The following TRDMT1 variants were observed in gnomAD, a reference collection of about 807,000 sequenced individuals.
The protein encoded by TRDMT1 is tRNA aspartic acid methyltransferase 1.
TRDMT1 carries 49 observed loss-of-function variants against 51.2 expected under a neutral mutation model. The ratio of observed to expected loss-of-function variants is 0.96; its 90% CI spans 0.76 to 1.21. TRDMT1 has a LOEUF of 1.21. Ranked by LOEUF, TRDMT1 falls within the 50% of genes most tolerant of loss-of-function variation. The pLI, the probability that TRDMT1 is intolerant of heterozygous loss-of-function variation, is 0.00. For synonymous variants in TRDMT1, 187 were observed against 164.6 expected (o/e 1.14, Z -1.04); for missense variants, 534 against 462.3 (o/e 1.16, Z -1.42).
At chr10:17,163,503 G>A (rs1433429682) in intron 3 of TRDMT1, among the ~76,000 whole-genome samples, 1 of 152,016 alleles carries the variant, frequency 6.6e-6, no homozygotes. Context: ...CTAGGAGAAG[G>A]CAAGAAATAA....
At position 17,143,053 on chromosome 10, in the gene TRDMT1, A is replaced by T; in HGVS notation, c.*5987T>A. ...AAAGCCTATCCCAGAATTATTTTTT[A>T]AATCATGTGTTCCAGACTTGAGTAA... On this transcript the variant is annotated 3_prime_UTR_variant, in exon 11 of 11. Transcript: ENST00000377799. 1 of 984,388 alleles carries T rather than the reference A, an allele frequency of 1.0e-6. No individual in the cohort carries two copies. Among genetic ancestry groups the T allele is most frequent in the Non-Finnish European group, 1.2e-6 (1 of 828,924 alleles). 61.0% of individuals were successfully genotyped at this position (984,388 alleles called of 1,614,324 possible).
chr10:17,147,722 C>T lies in TRDMT1; in HGVS notation c.*1318G>A, dbSNP rs1471464709. Reference sequence around the variant, plus strand: ...ATCCATTCATGGGTGAATGGGATGACACTTGGGCTGCTTCTACCTTTTGGC... The same window carrying T: ...ATCCATTCATGGGTGAATGGGATGATACTTGGGCTGCTTCTACCTTTTGGC... On this transcript the variant is annotated 3_prime_UTR_variant, in exon 11 of 11. Transcript: ENST00000377799. 1 of 154,018 alleles carries T rather than the reference C, an allele frequency of 6.5e-6. No individual in the cohort carries two copies. The highest frequency in any genetic ancestry group is 2.4e-5 in the African/African-American group (1 of 41,486). The allele number at this position is 154,018 out of a possible 1,614,324, so 9.5% of individuals were successfully genotyped here. A position where few individuals can be genotyped will look rare whatever the true frequency, so the allele number is the denominator to read the frequency against.
intron 1 of TRDMT1, among the ~76,000 whole-genome samples, chr10:17,183,425 G>A (rs1407848979): frequency 6.6e-6 from 1 of 151,834 alleles, no homozygotes; most frequent in Non-Finnish European, 1.5e-5. Flanking sequence ...TATATCTTTA[G>A]TTACTTTTTT....
rs572321487 is a variant in TRDMT1, at chr10:17,141,167, T to C, written c.*7873A>G. On this transcript the variant is annotated 3_prime_UTR_variant, in exon 11 of 11. Transcript: ENST00000377799. ...ATTTTTCTCCAGCTGCTTTTATTTA[T>C]TTATTTATTTTTTTGAGACGGAGTC... 8.5e-5 allele frequency among the ~76,000 whole-genome samples: 13 copies of C among 152,270 alleles called. No homozygotes were observed. The South Asian group carries it at 2.7e-3, about 32-fold the overall frequency.
Position 17,143,039 on chromosome 10 carries a change from C to T in TRDMT1, c.*6001G>A, listed in dbSNP as rs1837811355. On this transcript the variant is annotated 3_prime_UTR_variant, in exon 11 of 11. Coordinates refer to ENST00000377799, the MANE Select transcript of TRDMT1 (RefSeq NM_004412.7). ...CTTTCCAAAAGCCAAAAGCCTATCC[C>T]AGAATTATTTTTTAAATCATGTGTT... 1.0e-6 allele frequency: 1 copy of T among 985,278 alleles called. No homozygotes were observed. Among genetic ancestry groups the T allele is most frequent in the Admixed American group, 6.1e-5 (1 of 16,262 alleles). The allele number at this position is 985,278 out of a possible 1,614,324, so 61.0% of individuals were successfully genotyped here.
intron 10 of TRDMT1, chr10:17,150,695 G>A: frequency 1.0e-6 from 1 of 984,590 alleles, no homozygotes. Context: ...AGGACAGGAA[G>A]GTAGAATTAG....
At chr10:17,196,253 C>G (rs1448866088) in intron 1 of TRDMT1, among the ~76,000 whole-genome samples, 1 of 152,216 alleles carries the variant, frequency 6.6e-6, no homozygotes, top group Non-Finnish European at 1.5e-5. Context: ...GGGTAAAACT[C>G]AAAGCCAACT....
intron 1 of TRDMT1, among the ~76,000 whole-genome samples, chr10:17,178,397 T>G (rs1365181563): frequency 6.6e-6 from 1 of 152,108 alleles, no homozygotes; most frequent in Non-Finnish European, 1.5e-5. Context: ...TGTATTTTGC[T>G]GGGTGAGGTG....
intron 1 of TRDMT1, among the ~76,000 whole-genome samples, chr10:17,186,882 C>T (rs1334366291): frequency 2.6e-5 from 4 of 151,916 alleles, no homozygotes; most frequent in Non-Finnish European, 4.4e-5. Flanking sequence ...TAATGGCAAG[C>T]GAAAATATTC....
chr10:17,187,995 T>C (rs1280781043), intron 1 of TRDMT1, among the ~76,000 whole-genome samples: 2 of 152,186 alleles, frequency 1.3e-5, no homozygotes, highest in Non-Finnish European at 2.9e-5. Context: ...ATTTTTTATA[T>C]TCAGTTTAAT....
At chr10:17,171,814 A>C (rs35552881) in intron 2 of TRDMT1, 20,952 of 152,800 alleles carry the variant, frequency 0.14, 1,525 homozygotes, top group Admixed American at 0.17. Flanking sequence ...ACTTTGATTC[A>C]TCTCTTGCTC....
chr10:17,162,247 T>TAAAAAAAAAAAAAA lies in TRDMT1; in HGVS notation c.252-24_252-11dup. On this transcript the variant is annotated splice_polypyrimidine_tract_variant and intron_variant, in intron 3 of 10. Coordinates refer to ENST00000377799, the MANE Select transcript of TRDMT1 (RefSeq NM_004412.7). ...ACCCTGCCGGCCAATCCTAAAGGGGTAAAAAAAAAAAAAAACAAAAAAAAA... is the reference window on the plus strand; with the variant it reads ...ACCCTGCCGGCCAATCCTAAAGGGGTAAAAAAAAAAAAAAAAAAAAAAAAAAAAACAAAAAAAAA... The TAAAAAAAAAAAAAA allele has an allele frequency of 7.4e-7, 1 of 1,352,330 alleles. No individual in the cohort carries two copies. Among genetic ancestry groups the TAAAAAAAAAAAAAA allele is most frequent in the South Asian group, 1.4e-5 (1 of 70,430 alleles). 83.8% of individuals were successfully genotyped at this position (1,352,330 alleles called of 1,614,324 possible). A position where few individuals can be genotyped will look rare whatever the true frequency, so the allele number is the denominator to read the frequency against.
At chr10:17,191,614 T>G (rs1271312053) in intron 1 of TRDMT1, among the ~76,000 whole-genome samples, 1 of 152,104 alleles carries the variant, frequency 6.6e-6, no homozygotes, top group Non-Finnish European at 1.5e-5. Flanking sequence ...CTCAGAGCTG[T>G]CAGGGGAGGG....
chr10:17,144,929 A>C lies in TRDMT1; in HGVS notation c.*4111T>G, dbSNP rs1408682289. 2.0e-6 allele frequency: 2 copies of C among 985,408 alleles called. No individual in the cohort carries two copies. Among genetic ancestry groups the C allele is most frequent in the South Asian group, 9.4e-5 (2 of 21,286 alleles). The allele number at this position is 985,408 out of a possible 1,614,324, so 61.0% of individuals were successfully genotyped here. A position where few individuals can be genotyped will look rare whatever the true frequency, so the allele number is the denominator to read the frequency against. The stretch of plus-strand genomic sequence containing the variant: ...AAACTGAAACTAAAGAACATGTGCA[A>C]GATGCTTAATGCCTTTTTAAAAAAC... On this transcript the variant is annotated 3_prime_UTR_variant, in exon 11 of 11. Transcript: ENST00000377799.
chr10:17,160,497 A>T, intron 5 of TRDMT1, 123 bp from the exon 6 acceptor site: 1 of 548,752 alleles, frequency 1.8e-6, no homozygotes, highest in Non-Finnish European at 2.9e-6. Context: ...TTTGAGACAG[A>T]GTCTCACTCT....
chr10:17,191,628 T>C (rs866699813), intron 1 of TRDMT1, among the ~76,000 whole-genome samples: 22 of 152,160 alleles, frequency 1.4e-4, no homozygotes, highest in South Asian at 6.2e-4. Flanking sequence ...GGGAGGGCTG[T>C]ATCTGCTGTG....
rs563156834 is a variant in TRDMT1 at position 17,145,687 on chromosome 10, G to A, written c.*3353C>T. Reference sequence around the variant, plus strand: ...CTTTGTCTATGTGGGATTAAAATTTGGTCCTTATTGTGTTATCTTGGCTTT... The same window carrying A: ...CTTTGTCTATGTGGGATTAAAATTTAGTCCTTATTGTGTTATCTTGGCTTT... On this transcript the variant is annotated 3_prime_UTR_variant, in exon 11 of 11. Coordinates refer to ENST00000377799, the MANE Select transcript of TRDMT1 (RefSeq NM_004412.7). 6.7e-5 allele frequency: 66 copies of A among 985,250 alleles called. No homozygotes were observed. The highest frequency in any genetic ancestry group is 7.8e-5 in the Non-Finnish European group (65 of 829,934). The allele number at this position is 985,250 out of a possible 1,614,324, so 61.0% of individuals were successfully genotyped here.
At chr10:17,178,677 G>GAAAAA (rs3054721) in intron 1 of TRDMT1, among the ~76,000 whole-genome samples, 1 of 104,040 alleles carries the variant, frequency 9.6e-6, no homozygotes, top group African/African-American at 3.2e-5. Flanking sequence ...CTCTGTCTCG[G>GAAAAA]AAAAAAAAAA....
rs11254401 is a variant in TRDMT1 at position 17,146,819 on chromosome 10, A to G, written c.*2221T>C. The G allele has an allele frequency of 6.1e-6, 6 of 985,268 alleles. No individual in the cohort carries two copies. Among genetic ancestry groups the G allele is most frequent in the Non-Finnish European group, 7.2e-6 (6 of 829,842 alleles). 61.0% of individuals were successfully genotyped at this position (985,268 alleles called of 1,614,324 possible). A position where few individuals can be genotyped will look rare whatever the true frequency, so the allele number is the denominator to read the frequency against. ...TATAGCAGACATTCCATAAAATAAC[A>G]TTTTCCAAATTAATTATGCATACAT... On this transcript the variant is annotated 3_prime_UTR_variant, in exon 11 of 11. Transcript: ENST00000377799.
Sources: allele counts gnomAD v4.1 joint callset (sites outside exome capture counted in the v4.1 genomes callset), GRCh38; gene constraint gnomAD v4.1.1; transcripts MANE v1.5; gene names NCBI Gene and HGNC (gene_info 2026-07-23, HGNC 2026-07-21).